NMNAT3: variants seen among roughly 807,000 people sequenced by gnomAD.
NMNAT3 encodes the protein nicotinamide/nicotinic acid mononucleotide adenylyltransferase 3.
In NMNAT3, 21 loss-of-function variants were observed where a neutral mutation model predicts 24.8. The ratio of observed to expected loss-of-function variants is 0.85; its 90% confidence interval spans 0.60 to 1.22. The LOEUF is 1.22. Among genes scored for constraint, NMNAT3 ranks in the 50% most tolerant of loss-of-function variants. The probability of loss-of-function intolerance (pLI) is 0.00; values close to 1 mark genes in which losing one functional copy is unlikely to be tolerated. For synonymous variants in NMNAT3, 136 were observed against 155.2 expected (o/e 0.88, Z 0.92); for missense variants, 387 against 436.6 (o/e 0.89, Z 1.01).
At chr3:139,579,746 A>G (rs930036704) in intron 4 of NMNAT3, among the ~76,000 whole-genome samples, 4 of 152,202 alleles carry the variant, frequency 2.6e-5, no homozygotes, top group Non-Finnish European at 4.4e-5. Flanking sequence ...AGGATTTATT[A>G]TTGCAGCTAG....
At chr3:139,577,585 C>T (rs1427009697) in intron 5 of NMNAT3, among the ~76,000 whole-genome samples, 1 of 152,216 alleles carries the variant, frequency 6.6e-6, no homozygotes, top group East Asian at 1.9e-4. Context: ...GATCTATTCT[C>T]TTGCTTCTAT....
At chr3:139,592,768 C>T (rs2054257479) in intron 3 of NMNAT3, among the ~76,000 whole-genome samples, 3 of 152,142 alleles carry the variant, frequency 2.0e-5, no homozygotes, top group Admixed American at 2.0e-4. Context: ...CAAGCAAATG[C>T]TGAGAGATTT....
chr3:139,645,914 G>A (rs751707511), intron 1 of NMNAT3, among the ~76,000 whole-genome samples: 1 of 152,054 alleles, frequency 6.6e-6, no homozygotes, highest in Non-Finnish European at 1.5e-5. Flanking sequence ...AATAAACATT[G>A]TAATAGAATC....
chr3:139,589,537 A>G (rs1157409880), intron 3 of NMNAT3, among the ~76,000 whole-genome samples: 1 of 152,220 alleles, frequency 6.6e-6, no homozygotes, highest in Non-Finnish European at 1.5e-5. Context: ...GAAGTCTTCA[A>G]AATGTTAAAG....
intron 1 of NMNAT3, among the ~76,000 whole-genome samples, chr3:139,639,221 A>G (rs1476295373): frequency 2.6e-5 from 4 of 152,190 alleles, no homozygotes; most frequent in Non-Finnish European, 5.9e-5. Flanking sequence ...CTACACTCCA[A>G]GCATAGGGTC....
chr3:139,644,238 G>A (rs1351220082), intron 1 of NMNAT3, among the ~76,000 whole-genome samples: 1 of 152,062 alleles, frequency 6.6e-6, no homozygotes, highest in African/African-American at 2.4e-5. Flanking sequence ...CTAACAATAA[G>A]GAAAAGACCT....
chr3:139,583,237 T>C, intron 3 of NMNAT3: 1 of 1,212,866 alleles, frequency 8.2e-7, no homozygotes, highest in Non-Finnish European at 1.2e-6. Context: ...TGTAAATGTT[T>C]GCAAATTCAG....
At chr3:139,588,896 G>A (rs1449988454) in intron 3 of NMNAT3, among the ~76,000 whole-genome samples, 1 of 152,076 alleles carries the variant, frequency 6.6e-6, no homozygotes, top group Non-Finnish European at 1.5e-5. Context: ...CCTAGGAAAA[G>A]ACACCAACAC....
At chr3:139,640,103 C>A (rs1031272423) in intron 1 of NMNAT3, among the ~76,000 whole-genome samples, 1 of 152,130 alleles carries the variant, frequency 6.6e-6, no homozygotes, top group African/African-American at 2.4e-5. Context: ...TCCCATGCAC[C>A]AGCAGGACAG....
At chr3:139,664,144 A>T (rs921761807) in intron 1 of NMNAT3, among the ~76,000 whole-genome samples, 2 of 152,190 alleles carry the variant, frequency 1.3e-5, no homozygotes, top group Admixed American at 1.3e-4. Flanking sequence ...TTTTTAAAGC[A>T]CTTTATATTA....
chr3:139,602,715 G>T (rs1471103957), intron 3 of NMNAT3, among the ~76,000 whole-genome samples: 2 of 152,156 alleles, frequency 1.3e-5, no homozygotes, highest in Non-Finnish European at 2.9e-5. Flanking sequence ...GTAAACAAGG[G>T]CTACTTTTCT....
intron 1 of NMNAT3, among the ~76,000 whole-genome samples, chr3:139,640,218 A>C (rs1361848819): frequency 6.6e-6 from 1 of 152,180 alleles, no homozygotes; most frequent in Non-Finnish European, 1.5e-5. Context: ...GAAGGAGGTC[A>C]CACAGAAGGG....
At chr3:139,622,764 T>C (rs1231779464) in intron 3 of NMNAT3, among the ~76,000 whole-genome samples, 1 of 142,658 alleles carries the variant, frequency 7.0e-6, no homozygotes, top group Non-Finnish European at 1.5e-5. Context: ...ATATATATCA[T>C]ATATATCATA....
intron 3 of NMNAT3, among the ~76,000 whole-genome samples, chr3:139,623,277 C>T (rs922320733): frequency 1.3e-5 from 2 of 152,144 alleles, no homozygotes; most frequent in African/African-American, 4.8e-5. Context: ...AAGGCCTACA[C>T]ATGATCAGGA....
chr3:139,606,071 C>T (rs970192731), intron 3 of NMNAT3, among the ~76,000 whole-genome samples: 7 of 152,100 alleles, frequency 4.6e-5, no homozygotes, highest in African/African-American at 7.2e-5. Context: ...ATCCTTTATT[C>T]AGCTTCTACT....
chr3:139,566,174 C>A (rs913116588), intron 6 of NMNAT3: 1 of 152,160 alleles, frequency 6.6e-6, no homozygotes, highest in South Asian at 2.1e-4. Flanking sequence ...TGAGAAGTGT[C>A]TGTTCATATC....
intron 3 of NMNAT3, among the ~76,000 whole-genome samples, chr3:139,593,996 C>G (rs1311768826): frequency 6.6e-6 from 1 of 151,350 alleles, no homozygotes; most frequent in Admixed American, 6.6e-5. Context: ...ACACAAAAAA[C>G]CCTTCAAAAA....
intron 1 of NMNAT3, among the ~76,000 whole-genome samples, chr3:139,656,486 C>T (rs1211582535): frequency 3.9e-5 from 6 of 152,028 alleles, no homozygotes; most frequent in African/African-American, 9.7e-5. Flanking sequence ...CTCATTTTAA[C>T]GGGGCAGTCA....
chr3:139,593,196 A>G (rs1576598531), intron 3 of NMNAT3, among the ~76,000 whole-genome samples: 1 of 152,242 alleles, frequency 6.6e-6, no homozygotes, highest in African/African-American at 2.4e-5. Flanking sequence ...CAGACTTTAA[A>G]CCAACAAAGA....
Sources: allele counts gnomAD v4.1 joint callset (sites outside exome capture counted in the v4.1 genomes callset), GRCh38; gene constraint gnomAD v4.1.1; transcripts MANE v1.5; gene names NCBI Gene and HGNC (gene_info 2026-07-23, HGNC 2026-07-21).